TMEM178B: variants seen among roughly 807,000 people sequenced by gnomAD.
TMEM178B encodes transmembrane protein 178B.
TMEM178B carries 5 observed loss-of-function variants against 31.0 expected under a neutral mutation model. The ratio of observed to expected loss-of-function variants is 0.16; its 90% confidence interval spans 0.08 to 0.34. The LOEUF (loss-of-function observed/expected upper bound fraction) is 0.34, where lower values mean the gene tolerates loss of function less well. Ranked by LOEUF, TMEM178B falls within the 10% of genes least tolerant of loss-of-function variation. TMEM178B has a pLI of 1.00. For synonymous variants in TMEM178B, 164 were observed against 164.0 expected (o/e 1.00, Z 0.00); for missense variants, 275 against 400.3 (o/e 0.69, Z 2.67).
intron 1 of TMEM178B, among the ~76,000 whole-genome samples, chr7:141,078,607 G>A (rs572890861): frequency 2.6e-5 from 4 of 152,300 alleles, no homozygotes; most frequent in Admixed American, 1.3e-4. Flanking sequence ...AGGATGATGA[G>A]AGCAGCAACA....
chr7:141,077,975 TG>T (rs1372747637), intron 1 of TMEM178B, among the ~76,000 whole-genome samples: 1 of 152,252 alleles, frequency 6.6e-6, no homozygotes, highest in Non-Finnish European at 1.5e-5. Flanking sequence ...TTATTTTTTA[TG>T]ATGGATAAGG....
rs1449414696 is a variant in TMEM178B, at chr7:141,344,610, T to TCCTTCCTCCCTC, written c.497-92991_497-92990insCCCTCCCTTCCT. 2.9e-5 allele frequency among the ~76,000 whole-genome samples: 4 copies of TCCTTCCTCCCTC among 138,464 alleles called. No individual in the cohort carries two copies. The highest frequency in any genetic ancestry group is 1.1e-4 in the African/African-American group (4 of 37,146). 90.8% of individuals were successfully genotyped at this position (138,464 alleles called of 152,430 possible). ...TTCCTTCCTTCCTTCCTTCCTTCCT[T>TCCTTCCTCCCTC]CCTTCCTTCCTTCCTTCCTCCCTTC... On this transcript the variant is annotated intron_variant, in intron 2 of 3. Transcript: ENST00000565468. This position sits in a 1 kb window ranked among gnomAD's most constrained non-coding sequence, Gnocchi z 4.1.
At chr7:141,446,129 C>T (rs375605401) in intron 3 of TMEM178B, among the ~76,000 whole-genome samples, 15 of 152,146 alleles carry the variant, frequency 9.9e-5, no homozygotes, top group Admixed American at 5.9e-4. Flanking sequence ...ATGTACCTCA[C>T]GTAGAATGAG....
rs186412826 is a variant in TMEM178B at position 141,155,304 on chromosome 7, C to T, written c.383-57287C>T. ...GATGCAGCCCATGGGGCTCTTGCTGCCAAGGATCTGGGTAGGAGCTCTTTT... is the reference window on the plus strand; with the variant it reads ...GATGCAGCCCATGGGGCTCTTGCTGTCAAGGATCTGGGTAGGAGCTCTTTT... On this transcript the variant is annotated intron_variant, in intron 1 of 3. Coordinates refer to ENST00000565468, the MANE Select transcript of TMEM178B (RefSeq NM_001195278.2). 7.9e-5 allele frequency among the ~76,000 whole-genome samples: 12 copies of T among 152,302 alleles called. No individual in the cohort carries two copies. In the East Asian group the frequency reaches 2.3e-3, roughly 29 times the overall value.
At chr7:141,309,482 C>T (rs1798872112) in intron 2 of TMEM178B, among the ~76,000 whole-genome samples, 2 of 152,144 alleles carry the variant, frequency 1.3e-5, no homozygotes, top group Admixed American at 6.5e-5. Flanking sequence ...CCAAAAATAA[C>T]TGTTGCTAGC....
chr7:141,108,892 A>G (rs1336899160), intron 1 of TMEM178B, among the ~76,000 whole-genome samples: 1 of 152,198 alleles, frequency 6.6e-6, no homozygotes, highest in African/African-American at 2.4e-5. Context: ...AAGAGGTTTA[A>G]TGGACTTAAA....
intron 1 of TMEM178B, among the ~76,000 whole-genome samples, chr7:141,106,171 T>G (rs555549131): frequency 8.5e-5 from 13 of 152,158 alleles, no homozygotes; most frequent in African/African-American, 2.6e-4. Context: ...TATTTATACT[T>G]GCATTTGACT....
chr7:141,503,858 GT>G, the TMEM178B span, among the ~76,000 whole-genome samples: 2 of 152,296 alleles, frequency 1.3e-5, no homozygotes, highest in East Asian at 3.9e-4. Context: ...CCTGGTCTGG[GT>G]TTTTTATCAC....
Position 141,453,215 on chromosome 7 carries a change from C to G in TMEM178B, c.634+15470C>G, listed in dbSNP as rs931164915. Reference sequence around the variant, plus strand: ...GATCTAGTCATTTCCTAGCTTTCCTCTGAGTCAAAACCTCCTTGGTGGCAG... The same window carrying G: ...GATCTAGTCATTTCCTAGCTTTCCTGTGAGTCAAAACCTCCTTGGTGGCAG... On this transcript the variant is annotated intron_variant, in intron 3 of 3. Transcript: ENST00000565468. 2.0e-5 allele frequency among the ~76,000 whole-genome samples: 3 copies of G among 152,228 alleles called. No homozygotes were observed. In the East Asian group the frequency reaches 5.8e-4, roughly 29 times the overall value.
chr7:141,317,222 C>A (rs1799020814), intron 2 of TMEM178B, among the ~76,000 whole-genome samples: 1 of 152,096 alleles, frequency 6.6e-6, no homozygotes, highest in Non-Finnish European at 1.5e-5. Context: ...AAAGCAGCAT[C>A]TAGTAGCACA....
chr7:141,161,885 G>C (rs952051181), intron 1 of TMEM178B, among the ~76,000 whole-genome samples: 1 of 152,080 alleles, frequency 6.6e-6, no homozygotes, highest in Non-Finnish European at 1.5e-5. Context: ...TGGTATATGA[G>C]TGCAGCAGTG....
At chr7:141,300,753 C>T (rs1242061226) in intron 2 of TMEM178B, among the ~76,000 whole-genome samples, 1 of 152,154 alleles carries the variant, frequency 6.6e-6, no homozygotes, top group African/African-American at 2.4e-5. Context: ...TGTCCTGTCC[C>T]TTCCAGCTTT....
chr7:141,310,482 A>C (rs1586884667), intron 2 of TMEM178B, among the ~76,000 whole-genome samples: 1 of 152,180 alleles, frequency 6.6e-6, no homozygotes. Context: ...ATAGGTATAC[A>C]TGTGCCATGG....
At chr7:141,110,039 C>T (rs1289017744) in intron 1 of TMEM178B, among the ~76,000 whole-genome samples, 1 of 151,692 alleles carries the variant, frequency 6.6e-6, no homozygotes, top group Non-Finnish European at 1.5e-5. Context: ...TAAATAAAAC[C>T]CTATGCCATT....
At chr7:141,092,975 G>A (rs563039565) in intron 1 of TMEM178B, among the ~76,000 whole-genome samples, 1 of 152,276 alleles carries the variant, frequency 6.6e-6, no homozygotes, top group South Asian at 2.1e-4. Flanking sequence ...AATAGCAAAG[G>A]TGGCAGAATG....
rs1024776911 is a variant in TMEM178B, at chr7:141,344,606, TC to T, written c.497-93000del. On this transcript the variant is annotated intron_variant, in intron 2 of 3. Transcript: ENST00000565468. This position sits in a 1 kb window ranked among gnomAD's most constrained non-coding sequence, Gnocchi z 4.1. ...TTCCTTCCTTCCTTCCTTCCTTCCT[TC>T]CTTCCTTCCTTCCTTCCTTCCTCCC... Among the ~76,000 whole-genome samples the T allele has an allele frequency of 2.7e-5, 4 of 150,096 alleles. No homozygotes were observed. Among genetic ancestry groups the T allele is most frequent in the Non-Finnish European group, 4.4e-5 (3 of 67,594 alleles).
chr7:141,360,976 C>T (rs1369582609), intron 2 of TMEM178B, among the ~76,000 whole-genome samples: 2 of 152,162 alleles, frequency 1.3e-5, no homozygotes, highest in South Asian at 2.1e-4. Context: ...AATCACTGGG[C>T]CACTCAGCCA....
At chr7:141,285,763 A>G (rs1382256796) in intron 2 of TMEM178B, among the ~76,000 whole-genome samples, 1 of 152,206 alleles carries the variant, frequency 6.6e-6, no homozygotes, top group Non-Finnish European at 1.5e-5. Flanking sequence ...CTATACAGCC[A>G]TAAAAAGGAT....
chr7:141,365,699 A>C (rs926483894), intron 2 of TMEM178B, among the ~76,000 whole-genome samples: 1 of 152,198 alleles, frequency 6.6e-6, no homozygotes, highest in Non-Finnish European at 1.5e-5. Context: ...GTGTCTTCAC[A>C]TGACATTCTG....
Sources: gnomAD v4.1 joint callset for allele counts (sites outside exome capture counted in the v4.1 genomes callset) on GRCh38, gnomAD v4.1.1 for gene constraint, Gnocchi (gnomAD v3.1) non-coding constraint, MANE v1.5 for transcripts, NCBI Gene and HGNC (gene_info 2026-07-23, HGNC 2026-07-21) for gene names.